MAP2: variants seen among roughly 807,000 people sequenced by gnomAD.
MAP2 encodes the protein microtubule associated protein 2.
A neutral mutation model predicts 137.6 loss-of-function variants in MAP2; 14 were observed. The observed-to-expected ratio is 0.10, with a 90% CI of 0.07 to 0.16. The LOEUF is 0.16. Ranked by LOEUF, MAP2 falls within the 10% of genes least tolerant of loss-of-function variation. MAP2 has a pLI of 1.00. For synonymous variants in MAP2, 786 were observed against 782.3 expected, an observed-to-expected ratio of 1.00 and a Z score of -0.08; for missense variants, 2,088 against 2,191.5, an observed-to-expected ratio of 0.95 and a Z score of 0.94.
chr2:209,550,886 C>T (rs76507272), intron 2 of MAP2, among the ~76,000 whole-genome samples: 2,988 of 152,188 alleles, frequency 0.02, 91 homozygotes, highest in African/African-American at 0.068. Flanking sequence ...AATAGAAATA[C>T]TAAATCGTGT....
chr2:209,576,416 G>C (rs2153385111), intron 2 of MAP2, among the ~76,000 whole-genome samples: 1 of 151,066 alleles, frequency 6.6e-6, no homozygotes, highest in South Asian at 2.1e-4. Flanking sequence ...GCTAATTTTT[G>C]TATTTTTTTT....
rs140853125 is a variant in MAP2, at chr2:209,704,592, G to A, written c.4585-988G>A. On this transcript the variant is annotated intron_variant, in intron 11 of 15. Coordinates refer to ENST00000682079, the MANE Select transcript of MAP2 (RefSeq NM_001375505.1). ...CCCACCTCAGCAGGCTCCACAGACC[G>A]TTTGCCATACTCAAAATCAGGGAAC... is the stretch of plus-strand genomic sequence containing the variant. 2.5e-4 allele frequency: 396 copies of A among 1,603,894 alleles called. 3 individuals carry two copies. In the Middle Eastern group the frequency reaches 4.2e-3, roughly 17 times the overall value.
chr2:209,728,730 A>T (rs2075032524), intron 14 of MAP2, among the ~76,000 whole-genome samples: 1 of 152,178 alleles, frequency 6.6e-6, no homozygotes, highest in Non-Finnish European at 1.5e-5. Context: ...TCCATCAGGC[A>T]TTTTTTCAAA....
At chr2:209,499,038 G>A (rs2150089991) in intron 1 of MAP2, among the ~76,000 whole-genome samples, 1 of 152,222 alleles carries the variant, frequency 6.6e-6, no homozygotes, top group Non-Finnish European at 1.5e-5. Context: ...CTGCCACATG[G>A]TTAGATGAAA....
chr2:209,627,245 AT>A (rs1392482025), intron 4 of MAP2, among the ~76,000 whole-genome samples: 3 of 152,012 alleles, frequency 2.0e-5, no homozygotes, highest in Non-Finnish European at 2.9e-5. Context: ...TAAAAAAGAA[AT>A]TTTTTTTCAA....
chr2:209,438,172 A>G (rs899237350), intron 1 of MAP2, among the ~76,000 whole-genome samples: 3 of 151,634 alleles, frequency 2.0e-5, no homozygotes, highest in Non-Finnish European at 4.4e-5. Flanking sequence ...AAGTGAGTTC[A>G]ATTTTATTTT....
intron 4 of MAP2, among the ~76,000 whole-genome samples, chr2:209,640,977 T>C (rs958031357): frequency 1.3e-5 from 2 of 151,932 alleles, no homozygotes; most frequent in African/African-American, 4.8e-5. Context: ...TCTTCCATGA[T>C]GTATAATATG....
intron 3 of MAP2, among the ~76,000 whole-genome samples, chr2:209,622,293 G>A (rs1308459121): frequency 6.6e-6 from 1 of 152,176 alleles, no homozygotes; most frequent in African/African-American, 2.4e-5. Context: ...TCATTCCTCA[G>A]AGAAGCCACA....
At chr2:209,706,877 CATT>C (rs1251788540) in intron 12 of MAP2, among the ~76,000 whole-genome samples, 1 of 148,446 alleles carries the variant, frequency 6.7e-6, no homozygotes, top group Admixed American at 6.6e-5. Context: ...TTGTGTCCAA[CATT>C]ATTTAGTTTC....
chr2:209,431,958 G>A (rs1221759219), intron 1 of MAP2, among the ~76,000 whole-genome samples: 1 of 152,154 alleles, frequency 6.6e-6, no homozygotes, highest in Non-Finnish European at 1.5e-5. Flanking sequence ...CATTCCTGTG[G>A]TTTGGATCTC....
At chr2:209,541,298 G>A (rs1451007959) in intron 2 of MAP2, among the ~76,000 whole-genome samples, 1 of 151,208 alleles carries the variant, frequency 6.6e-6, no homozygotes, top group Admixed American at 6.6e-5. Context: ...CCGAAGTGCT[G>A]GGATTACAGT....
At chr2:209,690,066 A>G (rs2058388893) in intron 7 of MAP2, among the ~76,000 whole-genome samples, 1 of 152,202 alleles carries the variant, frequency 6.6e-6, no homozygotes, top group Admixed American at 6.6e-5. Context: ...TTTTGAAGCA[A>G]GGCTTTTTTT....
rs552323712 is a variant in MAP2, at chr2:209,667,039, A to G, written c.263-11533A>G. 7.3e-4 allele frequency among the ~76,000 whole-genome samples: 110 copies of G among 150,288 alleles called. 3 individuals carry two copies. The South Asian group carries it at 0.022, about 31-fold the overall frequency. On this transcript the variant is annotated intron_variant, in intron 5 of 15. Coordinates refer to ENST00000682079, the MANE Select transcript of MAP2 (RefSeq NM_001375505.1). The stretch of plus-strand genomic sequence containing the variant: ...ACCAGTTCTGTGGGAAAATGAAAAT[A>G]CGATATTTGCTTTTTAAAGAGTATT...
At chr2:209,544,368 A>G (rs1342590050) in intron 2 of MAP2, among the ~76,000 whole-genome samples, 3 of 152,162 alleles carry the variant, frequency 2.0e-5, no homozygotes, top group Non-Finnish European at 4.4e-5. Flanking sequence ...TATTGGGAGA[A>G]ATCTTTTTGC....
At chr2:209,690,386 A>G (rs1172757922) in intron 7 of MAP2, among the ~76,000 whole-genome samples, 2 of 152,216 alleles carry the variant, frequency 1.3e-5, no homozygotes, top group South Asian at 2.1e-4. Context: ...TTTAAAAGTC[A>G]TCACTATTAG....
chr2:209,563,412 A>AAATGCCCTGTCCTTACACCTT (rs1553597360), intron 2 of MAP2, among the ~76,000 whole-genome samples: 1 of 152,108 alleles, frequency 6.6e-6, no homozygotes, highest in African/African-American at 2.4e-5. Context: ...GATGCTCAAA[A>AAATGCCCTGTCCTTACACCTT]AATGCCCTGT....
chr2:209,464,671 G>T (rs578023959), intron 1 of MAP2, among the ~76,000 whole-genome samples: 3 of 152,004 alleles, frequency 2.0e-5, no homozygotes, highest in East Asian at 3.9e-4. Flanking sequence ...TAATAAAATT[G>T]CTTAGGTTAG....
intron 5 of MAP2, among the ~76,000 whole-genome samples, chr2:209,674,997 A>G (rs762527645): frequency 2.0e-5 from 3 of 151,834 alleles, no homozygotes; most frequent in African/African-American, 4.8e-5. Context: ...TTTTAAATTA[A>G]TTGGACCAGT....
intron 3 of MAP2, among the ~76,000 whole-genome samples, chr2:209,582,637 A>C (rs1010022427): frequency 6.6e-6 from 1 of 150,858 alleles, no homozygotes; most frequent in African/African-American, 2.5e-5. Context: ...AAAGCATTTA[A>C]GGATAGATAG....
Sources: allele counts gnomAD v4.1 joint callset (sites outside exome capture counted in the v4.1 genomes callset), GRCh38; gene constraint gnomAD v4.1.1; transcripts MANE v1.5; gene names NCBI Gene and HGNC (gene_info 2026-07-23, HGNC 2026-07-21).